Variants in SIPA1L1 observed in about 807,000 individuals in gnomAD.
SIPA1L1 encodes the protein signal-induced proliferation-associated 1-like protein 1.
SIPA1L1 carries 26 observed loss-of-function variants against 162.7 expected under a neutral mutation model. The ratio of observed to expected loss-of-function variants is 0.16; its 90% CI spans 0.12 to 0.22. The LOEUF is 0.22. Ranked by LOEUF, SIPA1L1 falls within the 10% of genes least tolerant of loss-of-function variation. The probability of loss-of-function intolerance (pLI) is 1.00; values close to 1 mark genes in which losing one functional copy is unlikely to be tolerated. For synonymous variants in SIPA1L1, 829 were observed against 837.4 expected (o/e 0.99, Z 0.17); for missense variants, 1,874 against 2,241.0 (o/e 0.84, Z 3.31).
Position 71,466,894 on chromosome 14 carries a change from G to A in SIPA1L1, c.-464-45849G>A, listed in dbSNP as rs118127174. On this transcript the variant is annotated intron_variant, in intron 2 of 23. Coordinates refer to ENST00000381232, the MANE Select transcript of SIPA1L1 (RefSeq NM_001386936.1). ...TTTGATAACAATTTTCTCTTCCATAGTAGTTCTCTCCATTTAATTGAATTT... is the reference window on the plus strand; with the variant it reads ...TTTGATAACAATTTTCTCTTCCATAATAGTTCTCTCCATTTAATTGAATTT... Among the ~76,000 whole-genome samples, 507 of 152,238 alleles carry A rather than the reference G, an allele frequency of 3.3e-3. 2 individuals are homozygous for A. Among genetic ancestry groups the A allele is most frequent in the Non-Finnish European group, 5.0e-3 (340 of 68,016 alleles).
intron 2 of SIPA1L1, among the ~76,000 whole-genome samples, chr14:71,503,239 A>G (rs185699442): frequency 6.6e-6 from 1 of 152,360 alleles, no homozygotes; most frequent in East Asian, 1.9e-4. Flanking sequence ...AGTAAATTAC[A>G]AAGTTATACA....
intron 2 of SIPA1L1, among the ~76,000 whole-genome samples, chr14:71,434,602 A>G (rs1404072944): frequency 1.3e-5 from 2 of 152,142 alleles, no homozygotes; most frequent in East Asian, 3.9e-4. Context: ...TGTTTGAGAC[A>G]GGGTCTTGCC....
intron 4 of SIPA1L1, among the ~76,000 whole-genome samples, chr14:71,583,141 A>G (rs867509111): frequency 1.3e-5 from 2 of 152,226 alleles, no homozygotes; most frequent in South Asian, 2.1e-4. Context: ...TTACAAGTTC[A>G]AAAACTATTT....
intron 13 of SIPA1L1, among the ~76,000 whole-genome samples, chr14:71,689,937 C>T (rs1313994366): frequency 2.0e-5 from 3 of 152,152 alleles, no homozygotes; most frequent in Non-Finnish European, 2.9e-5. Context: ...ATAATAGTCA[C>T]GTGACCATTC....
intron 3 of SIPA1L1, among the ~76,000 whole-genome samples, chr14:71,526,924 T>C (rs952703810): frequency 3.3e-5 from 5 of 152,232 alleles, no homozygotes; most frequent in Non-Finnish European, 5.9e-5. Context: ...TTCTGCTTTA[T>C]TGGATGCTGC....
intron 5 of SIPA1L1, among the ~76,000 whole-genome samples, chr14:71,594,783 C>CA (rs1193196608): frequency 1.3e-5 from 2 of 152,174 alleles, no homozygotes; most frequent in Non-Finnish European, 2.9e-5. Context: ...TATATATAAT[C>CA]TATGTAATTC....
intron 4 of SIPA1L1, among the ~76,000 whole-genome samples, chr14:71,567,164 T>G (rs2030819329): frequency 6.6e-6 from 1 of 152,002 alleles, no homozygotes; most frequent in Non-Finnish European, 1.5e-5. Context: ...TTACTATGAG[T>G]TGTAAAATTG....
chr14:71,571,061 C>T (rs2031909487), intron 4 of SIPA1L1, among the ~76,000 whole-genome samples: 2 of 152,188 alleles, frequency 1.3e-5, no homozygotes. Flanking sequence ...TTCCAAAGTG[C>T]TGGGATTATA....
intron 16 of SIPA1L1, among the ~76,000 whole-genome samples, chr14:71,706,045 A>G (rs1207499943): frequency 6.6e-6 from 1 of 152,130 alleles, no homozygotes; most frequent in Non-Finnish European, 1.5e-5. Flanking sequence ...AGAATGAGGA[A>G]ATATTGTATT....
At chr14:71,698,367 C>T (rs1302152690) in intron 13 of SIPA1L1, among the ~76,000 whole-genome samples, 1 of 152,170 alleles carries the variant, frequency 6.6e-6, no homozygotes, top group Non-Finnish European at 1.5e-5. Flanking sequence ...ATGTGGAGCA[C>T]ACTTCTACTG....
chr14:71,374,046 C>G (rs1177816264), intron 2 of SIPA1L1, among the ~76,000 whole-genome samples: 1 of 152,152 alleles, frequency 6.6e-6, no homozygotes, highest in Non-Finnish European at 1.5e-5. Context: ...CTTTGGAGCT[C>G]TTGTGTAGTA....
Position 71,699,030 on chromosome 14 carries a change from G to C in SIPA1L1, c.3424G>C (p.Ala1142Pro). 1.2e-6 allele frequency: 2 copies of C among 1,614,206 alleles called. No homozygotes were observed. Among genetic ancestry groups the C allele is most frequent in the Non-Finnish European group, 1.7e-6 (2 of 1,180,030 alleles). Residue 1142 changes from alanine to proline, a missense_variant, in exon 14 of 24, where the codon GCA becomes CCA. Physicochemically the swap from Ala to Pro is conservative, Grantham distance 27 (BLOSUM62 -1). Transcript: ENST00000381232. ...IYVTVSSMAL[A>P]RSQCRNSPSN... ...TGTGACGGTCTCATCCATGGCTTTA[G>C]CAAGATCCCAGTGTCGGAACTCTCC...
At chr14:71,336,628 T>C (rs545055842) in intron 2 of SIPA1L1, among the ~76,000 whole-genome samples, 1 of 152,298 alleles carries the variant, frequency 6.6e-6, no homozygotes, top group South Asian at 2.1e-4. Context: ...CCAGAGAAAA[T>C]AGCAAAACGA....
At chr14:71,360,382 A>G (rs1458533136) in intron 2 of SIPA1L1, among the ~76,000 whole-genome samples, 1 of 152,232 alleles carries the variant, frequency 6.6e-6, no homozygotes, top group Non-Finnish European at 1.5e-5. Flanking sequence ...CCAACTTTTT[A>G]TATGAGCCTA....
chr14:71,534,922 A>C (rs1180049413), intron 4 of SIPA1L1, among the ~76,000 whole-genome samples: 1 of 152,264 alleles, frequency 6.6e-6, no homozygotes, highest in Admixed American at 6.5e-5. Context: ...AATAACATTC[A>C]GTTGTATTCG....
At chr14:71,383,460 A>G (rs922812965) in intron 2 of SIPA1L1, among the ~76,000 whole-genome samples, 6 of 152,214 alleles carry the variant, frequency 3.9e-5, no homozygotes, top group Admixed American at 2.0e-4. Context: ...ATTTCTCTTA[A>G]TATACCATGC....
chr14:71,540,957 A>G (rs972764689), intron 4 of SIPA1L1, among the ~76,000 whole-genome samples: 1 of 151,676 alleles, frequency 6.6e-6, no homozygotes, highest in Non-Finnish European at 1.5e-5. Flanking sequence ...TGAAACCCCA[A>G]CTCTACTAAA....
At chr14:71,344,441 T>C (rs961827115) in intron 2 of SIPA1L1, among the ~76,000 whole-genome samples, 2 of 152,240 alleles carry the variant, frequency 1.3e-5, no homozygotes, top group African/African-American at 2.4e-5. Context: ...ATGTCACTTG[T>C]AAGGCAGCAG....
chr14:71,607,345 A>G (rs1452209915), intron 5 of SIPA1L1, among the ~76,000 whole-genome samples: 1 of 151,558 alleles, frequency 6.6e-6, no homozygotes, highest in African/African-American at 2.4e-5. Flanking sequence ...CTGTGTTTCA[A>G]TATGCTTGGT....
Sources: allele counts gnomAD v4.1 joint callset (sites outside exome capture counted in the v4.1 genomes callset), GRCh38; gene constraint gnomAD v4.1.1; transcripts MANE v1.5; gene names NCBI Gene and HGNC (gene_info 2026-07-23, HGNC 2026-07-21).